Variants in CHST11 observed in about 807,000 individuals in gnomAD.
CHST11 encodes the protein carbohydrate sulfotransferase 11, also known as C4S-1.
Under a neutral mutation model 30.4 loss-of-function variants are expected in CHST11, and 9 were observed. The ratio of observed to expected loss-of-function variants is 0.30; its 90% CI spans 0.18 to 0.52. The LOEUF is 0.52. Among genes scored for constraint, CHST11 ranks in the 20% least tolerant of loss-of-function variants. The probability of loss-of-function intolerance (pLI) is 0.97; values close to 1 mark genes in which losing one functional copy is unlikely to be tolerated. For missense variants in CHST11, 348 were observed against 460.6 expected (o/e 0.76, Z 2.24); for synonymous variants, 152 against 187.8 (o/e 0.81, Z 1.56).
chr12:104,464,249 A>G (rs1487505398), intron 1 of CHST11, among the ~76,000 whole-genome samples: 1 of 151,708 alleles, frequency 6.6e-6, no homozygotes, highest in African/African-American at 2.4e-5. Context: ...TGCATTTTTA[A>G]TAGATACTGG....
intron 2 of CHST11, among the ~76,000 whole-genome samples, chr12:104,660,263 G>A (rs2039586473): frequency 1.3e-5 from 2 of 152,148 alleles, no homozygotes; most frequent in Non-Finnish European, 2.9e-5. Flanking sequence ...TGGGTACCAC[G>A]CCAGGACCAG....
intron 2 of CHST11, among the ~76,000 whole-genome samples, chr12:104,660,178 T>C (rs2039585738): frequency 6.6e-6 from 1 of 152,206 alleles, no homozygotes; most frequent in African/African-American, 2.4e-5. Context: ...GGCTTTACAG[T>C]AGATGCTCAG....
chr12:104,470,132 G>A (rs1159315361), intron 1 of CHST11, among the ~76,000 whole-genome samples: 1 of 152,144 alleles, frequency 6.6e-6, no homozygotes, highest in African/African-American at 2.4e-5. Context: ...ATCCTACAAT[G>A]GATAGGATAG....
intron 1 of CHST11, among the ~76,000 whole-genome samples, chr12:104,563,112 C>G (rs1408247929): frequency 6.6e-6 from 1 of 152,116 alleles, no homozygotes; most frequent in Non-Finnish European, 1.5e-5. Flanking sequence ...ATGATCTTGG[C>G]TCACTCAACC....
chr12:104,672,735 G>A (rs2039707568), intron 2 of CHST11, among the ~76,000 whole-genome samples: 1 of 152,212 alleles, frequency 6.6e-6, no homozygotes, highest in African/African-American at 2.4e-5. Flanking sequence ...ACTGGCTCGT[G>A]ATTCTGACTG....
At chr12:104,651,312 C>G (rs1049135720) in intron 2 of CHST11, among the ~76,000 whole-genome samples, 2 of 152,184 alleles carry the variant, frequency 1.3e-5, no homozygotes, top group Non-Finnish European at 2.9e-5. Flanking sequence ...TAATATGAGC[C>G]AAGAATGTGA....
At chr12:104,741,421 G>C (rs890052155) in intron 2 of CHST11, among the ~76,000 whole-genome samples, 1 of 152,236 alleles carries the variant, frequency 6.6e-6, no homozygotes, top group African/African-American at 2.4e-5. Context: ...GCTCATGCGT[G>C]CCTTTGGAAC....
At chr12:104,602,382 A>G (rs2038965900) in intron 2 of CHST11, 2 of 224,286 alleles carry the variant, frequency 8.9e-6, no homozygotes, top group East Asian at 1.9e-4. Flanking sequence ...CATCCCACAT[A>G]TTAAAGCCCA....
At chr12:104,625,725 G>A (rs974538028) in intron 2 of CHST11, among the ~76,000 whole-genome samples, 1 of 152,258 alleles carries the variant, frequency 6.6e-6, no homozygotes, top group African/African-American at 2.4e-5. Flanking sequence ...TGCCCTGGGA[G>A]TTGAAATTGA....
chr12:104,606,983 T>C (rs2039011591), intron 2 of CHST11, among the ~76,000 whole-genome samples: 1 of 151,974 alleles, frequency 6.6e-6, no homozygotes. Context: ...CAGGAAAACC[T>C]GGGAGGCGGA....
chr12:104,577,821 G>A (rs2038699993), intron 1 of CHST11, among the ~76,000 whole-genome samples: 1 of 152,048 alleles, frequency 6.6e-6, no homozygotes, highest in African/African-American at 2.4e-5. Context: ...CAAACAAATG[G>A]GCCTTTTTAT....
At chr12:104,648,566 T>C (rs2559638) in intron 2 of CHST11, among the ~76,000 whole-genome samples, 25,669 of 151,894 alleles carry the variant, frequency 0.17, 2,303 homozygotes, top group African/African-American at 0.2. Flanking sequence ...TCCCAGCACT[T>C]TGGGAGGTTG....
intron 2 of CHST11, among the ~76,000 whole-genome samples, chr12:104,745,170 G>A (rs540628191): frequency 6.6e-5 from 10 of 152,200 alleles, no homozygotes; most frequent in African/African-American, 1.7e-4. Flanking sequence ...CACCACGCCC[G>A]GCCCCTAGCA....
intron 2 of CHST11, among the ~76,000 whole-genome samples, chr12:104,641,971 T>A (rs554885315): frequency 6.6e-6 from 1 of 152,304 alleles, no homozygotes; most frequent in African/African-American, 2.4e-5. Flanking sequence ...TAGTTTTGAT[T>A]GTCAGAGCTG....
At chr12:104,742,364 C>A (rs1030015888) in intron 2 of CHST11, among the ~76,000 whole-genome samples, 1 of 152,102 alleles carries the variant, frequency 6.6e-6, no homozygotes, top group African/African-American at 2.4e-5. Flanking sequence ...GGGAGGTTGA[C>A]GGCCTCCCTG....
chr12:104,492,200 C>T lies in CHST11; in HGVS notation c.118+34671C>T, dbSNP rs112532624. ...CAAGCTCCACCTCCTGGGTTCATGC[C>T]GTTCTCCTGCCTCAGCCTCCTGAGT... On this transcript the variant is annotated intron_variant, in intron 1 of 2. Transcript: ENST00000303694. Among the ~76,000 whole-genome samples, 6 of 152,050 alleles carry T rather than the reference C, an allele frequency of 3.9e-5. No individual in the cohort carries two copies. The East Asian group carries it at 5.8e-4, about 15-fold the overall frequency.
intron 1 of CHST11, among the ~76,000 whole-genome samples, chr12:104,523,455 A>G (rs1029771607): frequency 1.3e-5 from 2 of 152,214 alleles, no homozygotes; most frequent in African/African-American, 4.8e-5. Flanking sequence ...GTGTGGCCTC[A>G]GATGTTTTTG....
At chr12:104,680,825 C>A (rs372417965) in intron 2 of CHST11, among the ~76,000 whole-genome samples, 2 of 152,306 alleles carry the variant, frequency 1.3e-5, no homozygotes, top group African/African-American at 4.8e-5. Context: ...TTGAGTGCCC[C>A]GCCCCCCTGT....
intron 1 of CHST11, among the ~76,000 whole-genome samples, chr12:104,478,740 C>T (rs1356509538): frequency 6.6e-6 from 1 of 152,046 alleles, no homozygotes; most frequent in Non-Finnish European, 1.5e-5. Context: ...TGAGGAAAAC[C>T]GGTGGGATTT....
Sources: allele counts gnomAD v4.1 joint callset (sites outside exome capture counted in the v4.1 genomes callset), GRCh38; gene constraint gnomAD v4.1.1; transcripts MANE v1.5; gene names NCBI Gene and HGNC (gene_info 2026-07-23, HGNC 2026-07-21).